Variants in AGBL4 observed in about 807,000 individuals in gnomAD.
AGBL4 encodes cytosolic carboxypeptidase 6.
In AGBL4, 58 loss-of-function variants were observed where a neutral mutation model predicts 66.4. That is an observed-to-expected ratio of 0.87 (90% CI 0.71 to 1.09). The LOEUF (loss-of-function observed/expected upper bound fraction) is 1.09. AGBL4 is among the 50% of genes least tolerant of loss of function. AGBL4 has a pLI of 0.00. For synonymous variants in AGBL4, 234 were observed against 222.9 expected, an observed-to-expected ratio of 1.05 and a Z score of -0.44; for missense variants, 579 against 631.0, an observed-to-expected ratio of 0.92 and a Z score of 0.88.
At chr1:48,756,236 A>C (rs1643918329) in intron 6 of AGBL4, among the ~76,000 whole-genome samples, 1 of 152,218 alleles carries the variant, frequency 6.6e-6, no homozygotes, top group African/African-American at 2.4e-5. Flanking sequence ...GGTAACAAAA[A>C]TTCATCATTC....
At chr1:50,010,935 A>G (rs1326523269) in intron 1 of AGBL4, among the ~76,000 whole-genome samples, 1 of 152,196 alleles carries the variant, frequency 6.6e-6, no homozygotes, top group Non-Finnish European at 1.5e-5. Flanking sequence ...AGTATCTCAC[A>G]AGCTCAGCAA....
chr1:49,671,460 C>A (rs184874478), intron 3 of AGBL4, among the ~76,000 whole-genome samples: 2 of 152,076 alleles, frequency 1.3e-5, no homozygotes, highest in Non-Finnish European at 2.9e-5. Context: ...AAAGCGATAA[C>A]AACAAAAGCA....
chr1:48,761,572 A>C, intron 6 of AGBL4: 1 of 1,239,776 alleles, frequency 8.1e-7, no homozygotes, highest in Non-Finnish European at 1.1e-6. Context: ...AATTGAGGCC[A>C]GACCAGTTAA....
intron 4 of AGBL4, among the ~76,000 whole-genome samples, chr1:49,195,401 T>C (rs1434885705): frequency 6.6e-6 from 1 of 152,196 alleles, no homozygotes; most frequent in Non-Finnish European, 1.5e-5. Flanking sequence ...TATTCCTCCC[T>C]CATTTATGAA....
At chr1:49,939,898 A>G (rs1337569160) in intron 1 of AGBL4, among the ~76,000 whole-genome samples, 1 of 152,206 alleles carries the variant, frequency 6.6e-6, no homozygotes, top group African/African-American at 2.4e-5. Context: ...AGAAACTACC[A>G]TCAGAGTGAA....
At chr1:48,658,800 C>T (rs559543092) in intron 7 of AGBL4, among the ~76,000 whole-genome samples, 3 of 152,008 alleles carry the variant, frequency 2.0e-5, no homozygotes, top group South Asian at 2.1e-4. Flanking sequence ...TGCTTGGTCC[C>T]GGTGCCTGGC....
chr1:49,257,277 GA>G (rs1248955059), intron 3 of AGBL4: 1 of 152,256 alleles, frequency 6.6e-6, no homozygotes, highest in African/African-American at 2.4e-5. Context: ...CCCAGAGGTG[GA>G]GCCTACAGAG....
At chr1:49,727,028 C>G (rs1363994201) in intron 2 of AGBL4, among the ~76,000 whole-genome samples, 1 of 152,086 alleles carries the variant, frequency 6.6e-6, no homozygotes, top group African/African-American at 2.4e-5. Flanking sequence ...ATCTCTTGAT[C>G]CTCTTAGAGA....
chr1:49,372,391 G>A lies in AGBL4; in HGVS notation c.283-126527C>T, dbSNP rs140463576. Reference sequence around the variant, plus strand: ...TACAGTATAATACACAAGCTCCTTAGCAAGCCATTTAAAGTTCTTATTCCA... The same window carrying A: ...TACAGTATAATACACAAGCTCCTTAACAAGCCATTTAAAGTTCTTATTCCA... On this transcript the variant is annotated intron_variant, in intron 3 of 13. Transcript: ENST00000371839. 2.6e-5 allele frequency among the ~76,000 whole-genome samples: 4 copies of A among 152,144 alleles called. No individual in the cohort carries two copies. In the East Asian group the frequency reaches 5.8e-4, roughly 22 times the overall value.
intron 12 of AGBL4, among the ~76,000 whole-genome samples, chr1:48,537,306 G>A (rs563356782): frequency 4.2e-4 from 64 of 152,114 alleles, no homozygotes; most frequent in Non-Finnish European, 7.5e-4. Flanking sequence ...AAAGGTGGGT[G>A]CATTTAGCTC....
intron 4 of AGBL4, among the ~76,000 whole-genome samples, chr1:49,092,623 G>A (rs763045381): frequency 2.0e-5 from 3 of 152,062 alleles, no homozygotes; most frequent in Non-Finnish European, 2.9e-5. Context: ...TATCAATTTT[G>A]TTCTTGTTTC....
chr1:49,998,589 A>G (rs1660525052), intron 1 of AGBL4, among the ~76,000 whole-genome samples: 1 of 152,186 alleles, frequency 6.6e-6, no homozygotes, highest in African/African-American at 2.4e-5. Context: ...TAATTCTATA[A>G]AGCCAGTATC....
At position 49,741,709 on chromosome 1, in the gene AGBL4, AG is replaced by A. The variant is rs1363847704; in HGVS notation, c.158-44273del. 2.6e-5 allele frequency among the ~76,000 whole-genome samples: 4 copies of A among 152,340 alleles called. No individual in the cohort carries two copies. In the East Asian group the frequency reaches 7.7e-4, roughly 29 times the overall value. On this transcript the variant is annotated intron_variant, in intron 2 of 13. Transcript: ENST00000371839. ...TCAAAAATCTTATCCATCATGATCA[AG>A]GGGGCTTCATCCCTGGGATGCAAGG... is the stretch of plus-strand genomic sequence containing the variant.
chr1:49,722,221 C>T (rs1043841968), intron 2 of AGBL4, among the ~76,000 whole-genome samples: 3 of 152,122 alleles, frequency 2.0e-5, no homozygotes, highest in Admixed American at 6.6e-5. Context: ...GTGCCAGTAA[C>T]GTATTGTGAT....
chr1:49,051,666 G>A (rs1045906985), intron 4 of AGBL4, among the ~76,000 whole-genome samples: 6 of 152,128 alleles, frequency 3.9e-5, no homozygotes, highest in Non-Finnish European at 7.4e-5. Context: ...GGCATAGCCA[G>A]GGACCTTGGA....
At chr1:49,143,939 G>A (rs1646166420) in intron 4 of AGBL4, among the ~76,000 whole-genome samples, 2 of 152,192 alleles carry the variant, frequency 1.3e-5, no homozygotes, top group African/African-American at 4.8e-5. Context: ...ATGCTATTGA[G>A]AATGGTTCTG....
At chr1:49,602,383 A>G (rs957472615) in intron 3 of AGBL4, among the ~76,000 whole-genome samples, 1 of 152,180 alleles carries the variant, frequency 6.6e-6, no homozygotes, top group Admixed American at 6.5e-5. Flanking sequence ...TACTATAAAG[A>G]TACATGCACA....
intron 6 of AGBL4, chr1:48,761,576 CA>C (rs1370548094): frequency 8.2e-7 from 1 of 1,221,782 alleles, no homozygotes; most frequent in East Asian, 2.6e-5. Context: ...GAGGCCAGAC[CA>C]GTTAAAAAGG....
Position 49,268,450 on chromosome 1 carries a change from A to AC in AGBL4, c.283-22587_283-22586insG, listed in dbSNP as rs56218867. On this transcript the variant is annotated intron_variant, in intron 3 of 13. Coordinates refer to ENST00000371839, the MANE Select transcript of AGBL4 (RefSeq NM_032785.4). Reference sequence around the variant, plus strand: ...CACACACACACACACACACACACACAAATACAAGATCTCACTCTATTGCAC... The same window carrying AC: ...CACACACACACACACACACACACACACAATACAAGATCTCACTCTATTGCAC... Among the ~76,000 whole-genome samples, 8 of 140,424 alleles carry AC rather than the reference A, an allele frequency of 5.7e-5. No homozygotes were observed. The East Asian group carries it at 1.2e-3, about 21-fold the overall frequency. 92.1% of individuals were successfully genotyped at this position (140,424 alleles called of 152,430 possible). A position where few individuals can be genotyped will look rare whatever the true frequency, so the allele number is the denominator to read the frequency against.
Sources: allele counts gnomAD v4.1 joint callset (sites outside exome capture counted in the v4.1 genomes callset), GRCh38; gene constraint gnomAD v4.1.1; transcripts MANE v1.5; gene names NCBI Gene and HGNC (gene_info 2026-07-23, HGNC 2026-07-21).